FSTL5: variants seen among roughly 807,000 people sequenced by gnomAD.
The protein encoded by FSTL5 is follistatin like 5.
In FSTL5, 62 loss-of-function variants were observed where a neutral mutation model predicts 89.1. The observed-to-expected ratio is 0.70, with a 90% CI of 0.57 to 0.86. FSTL5 has a LOEUF of 0.86. Among genes scored for constraint, FSTL5 ranks in the 40% least tolerant of loss-of-function variants. The pLI is 0.00. For synonymous variants in FSTL5, 383 were observed against 346.2 expected (o/e 1.11, Z -1.18); for missense variants, 1,057 against 1,001.6 (o/e 1.06, Z -0.75).
chr4:161,568,795 T>C (rs1008748264), intron 8 of FSTL5, among the ~76,000 whole-genome samples: 2 of 152,200 alleles, frequency 1.3e-5, no homozygotes, highest in African/African-American at 2.4e-5. Context: ...ACCTAATGCA[T>C]AGGCAGCTAA....
rs368728055 is a variant in FSTL5, at chr4:162,074,731, T to TA, written c.126+36539dup. ...TGTGGGATGGTTGAATCAAGCTAAT[T>TA]AACATACGCATTACCTCACATACAG... On this transcript the variant is annotated intron_variant, in intron 2 of 15. Coordinates refer to ENST00000306100, the MANE Select transcript of FSTL5 (RefSeq NM_020116.5). Among the ~76,000 whole-genome samples the TA allele has an allele frequency of 4.5e-3, 683 of 151,838 alleles. 5 individuals are homozygous for TA. Among genetic ancestry groups the TA allele is most frequent in the African/African-American group, 0.015 (640 of 41,482 alleles).
chr4:161,926,605 T>C (rs1441926519), intron 3 of FSTL5, among the ~76,000 whole-genome samples: 1 of 151,798 alleles, frequency 6.6e-6, no homozygotes, highest in Admixed American at 6.6e-5. Context: ...GCAACAGTTA[T>C]TTCTTATTTG....
chr4:162,092,024 T>C (rs1456472556), intron 2 of FSTL5, among the ~76,000 whole-genome samples: 5 of 151,806 alleles, frequency 3.3e-5, no homozygotes, highest in African/African-American at 9.7e-5. Context: ...GAATTTGTAA[T>C]ATTTCCAAAT....
intron 2 of FSTL5, among the ~76,000 whole-genome samples, chr4:162,107,026 C>T (rs1731250287): frequency 6.6e-6 from 1 of 152,132 alleles, no homozygotes; most frequent in African/African-American, 2.4e-5. Context: ...GCACTTCTGC[C>T]CCCAACTCAT....
At chr4:161,985,144 G>C (rs1406730574) in intron 3 of FSTL5, among the ~76,000 whole-genome samples, 1 of 151,670 alleles carries the variant, frequency 6.6e-6, no homozygotes, top group Non-Finnish European at 1.5e-5. Flanking sequence ...TTTAGTGAAG[G>C]TGGGATTTCA....
intron 4 of FSTL5, among the ~76,000 whole-genome samples, chr4:161,865,921 T>A (rs1252390519): frequency 9.9e-5 from 15 of 152,204 alleles, no homozygotes. Flanking sequence ...GCCAGCTATG[T>A]CAAAGAAATT....
At chr4:161,519,885 A>G (rs1465516099) in intron 10 of FSTL5, among the ~76,000 whole-genome samples, 3 of 152,186 alleles carry the variant, frequency 2.0e-5, no homozygotes, top group Non-Finnish European at 4.4e-5. Flanking sequence ...AAAATATACC[A>G]TAGGGAGAAG....
intron 3 of FSTL5, among the ~76,000 whole-genome samples, chr4:162,013,388 A>C (rs1053581044): frequency 6.6e-6 from 1 of 152,144 alleles, no homozygotes; most frequent in African/African-American, 2.4e-5. Flanking sequence ...AGTGTAACAC[A>C]TAACACTCCT....
intron 7 of FSTL5, among the ~76,000 whole-genome samples, chr4:161,612,810 T>C (rs1734696720): frequency 6.6e-6 from 1 of 152,198 alleles, no homozygotes; most frequent in Non-Finnish European, 1.5e-5. Flanking sequence ...GTGATTCTTG[T>C]CTCAGAATTA....
At chr4:161,567,371 T>C (rs1732855462) in intron 8 of FSTL5, among the ~76,000 whole-genome samples, 1 of 151,998 alleles carries the variant, frequency 6.6e-6, no homozygotes, top group Non-Finnish European at 1.5e-5. Context: ...ATCTTGAGAG[T>C]GCCCTCATGT....
At chr4:161,882,383 G>A in intron 4 of FSTL5, among the ~76,000 whole-genome samples, 1 of 152,056 alleles carries the variant, frequency 6.6e-6, no homozygotes, top group East Asian at 1.9e-4. Flanking sequence ...CGACACAGCA[G>A]ATTACTGGGA....
At position 161,984,303 on chromosome 4, in the gene FSTL5, T is replaced by C. The variant is rs1578918208; in HGVS notation, c.160+49322A>G. Among the ~76,000 whole-genome samples, 7 of 152,230 alleles carry C rather than the reference T, an allele frequency of 4.6e-5. No homozygotes were observed. The East Asian group carries it at 1.3e-3, about 29-fold the overall frequency. On this transcript the variant is annotated intron_variant, in intron 3 of 15. Transcript: ENST00000306100. ...GATTAGCTTTCAAGTTTATCTGCTA[T>C]AGATCTTTGCTTTTTTTGCTATAAG... is the stretch of plus-strand genomic sequence containing the variant.
chr4:161,817,953 G>T (rs1022359493), intron 4 of FSTL5, among the ~76,000 whole-genome samples: 1 of 152,190 alleles, frequency 6.6e-6, no homozygotes, highest in African/African-American at 2.4e-5. Flanking sequence ...CTGGCTCGGG[G>T]TCCACCCCCA....
intron 8 of FSTL5, among the ~76,000 whole-genome samples, chr4:161,578,693 C>G (rs532684396): frequency 6.6e-6 from 1 of 151,336 alleles, no homozygotes; most frequent in African/African-American, 2.4e-5. Context: ...TTGCTGATAC[C>G]CAATGATAAA....
chr4:161,792,998 T>C (rs1031950088), intron 4 of FSTL5, among the ~76,000 whole-genome samples: 2 of 152,184 alleles, frequency 1.3e-5, no homozygotes, highest in Non-Finnish European at 2.9e-5. Context: ...GCTGTGACAC[T>C]CTTTGGGTTT....
chr4:162,099,688 G>A (rs763419641), intron 2 of FSTL5, among the ~76,000 whole-genome samples: 29 of 152,132 alleles, frequency 1.9e-4, no homozygotes, highest in Non-Finnish European at 3.2e-4. Context: ...ATAAAGGACT[G>A]TTATCCAAAA....
chr4:162,107,874 T>G (rs1731283876), intron 2 of FSTL5, among the ~76,000 whole-genome samples: 1 of 152,146 alleles, frequency 6.6e-6, no homozygotes, highest in Non-Finnish European at 1.5e-5. Context: ...AAAGTTACTT[T>G]ACCTCTCTGG....
chr4:162,038,193 T>C (rs367636824), intron 2 of FSTL5, among the ~76,000 whole-genome samples: 3 of 152,030 alleles, frequency 2.0e-5, no homozygotes, highest in African/African-American at 4.8e-5. Context: ...ATAAGAAATA[T>C]ATTTGGTTAT....
intron 12 of FSTL5, among the ~76,000 whole-genome samples, chr4:161,498,465 G>T (rs537330437): frequency 6.6e-6 from 1 of 152,220 alleles, no homozygotes; most frequent in East Asian, 1.9e-4. Context: ...CACATGTGGT[G>T]CAGGAAAAAT....
Sources: allele counts gnomAD v4.1 joint callset (sites outside exome capture counted in the v4.1 genomes callset), GRCh38; gene constraint gnomAD v4.1.1; transcripts MANE v1.5; gene names NCBI Gene and HGNC (gene_info 2026-07-23, HGNC 2026-07-21).